The following NRXN3 variants were observed in gnomAD, a reference collection of about 807,000 sequenced individuals.
NRXN3 encodes the protein neurexin 3.
NRXN3 carries 32 observed loss-of-function variants against 137.6 expected under a neutral mutation model. That is an observed-to-expected ratio of 0.23 (90% CI 0.18 to 0.31). NRXN3 has a LOEUF of 0.31. NRXN3 is among the 10% of genes least tolerant of loss of function. NRXN3 has a pLI of 1.00. For synonymous variants in NRXN3, 798 were observed against 784.5 expected, an observed-to-expected ratio of 1.02 and a Z score of -0.29; for missense variants, 1,574 against 2,062.5, an observed-to-expected ratio of 0.76 and a Z score of 4.59.
chr14:78,328,181 G>A lies in NRXN3; in HGVS notation c.757+30321G>A, dbSNP rs147261163. ...TGCTCTAAATCATAGCTCTCTACAG[G>A]GAAGGCTTCTGTGAGTTAAAATCCC... On this transcript the variant is annotated intron_variant, in intron 4 of 20. Transcript: ENST00000335750. Among the ~76,000 whole-genome samples the A allele has an allele frequency of 6.8e-3, 1,040 of 152,220 alleles. 10 individuals carry two copies. The highest frequency in any genetic ancestry group is 0.024 in the African/African-American group (1,001 of 41,526).
At chr14:78,430,304 CT>C (rs539657706) in intron 4 of NRXN3, among the ~76,000 whole-genome samples, 17 of 152,294 alleles carry the variant, frequency 1.1e-4, no homozygotes, top group African/African-American at 4.1e-4. Flanking sequence ...ATCACTGATG[CT>C]TGAGTCTTGT....
intron 16 of NRXN3, among the ~76,000 whole-genome samples, chr14:79,511,542 C>G (rs960623844): frequency 2.0e-5 from 3 of 152,150 alleles, no homozygotes; most frequent in African/African-American, 7.2e-5. Flanking sequence ...AGCTATTCAG[C>G]CTAGATTTTC....
chr14:78,747,135 C>G (rs1037221276), intron 8 of NRXN3, among the ~76,000 whole-genome samples: 1 of 110,522 alleles, frequency 9.0e-6, no homozygotes, highest in African/African-American at 5.3e-5. Flanking sequence ...GAGCCAGGAC[C>G]AGGGTTGAAA....
intron 16 of NRXN3, among the ~76,000 whole-genome samples, chr14:79,480,095 G>A (rs541879686): frequency 1.4e-4 from 21 of 152,152 alleles, no homozygotes; most frequent in Non-Finnish European, 2.8e-4. Flanking sequence ...AAATCCAGAT[G>A]TGGGTGTCTT....
chr14:78,655,439 C>A (rs993716368), intron 6 of NRXN3, among the ~76,000 whole-genome samples: 5 of 152,000 alleles, frequency 3.3e-5, no homozygotes, highest in African/African-American at 7.3e-5. Flanking sequence ...GGAAAAAAAA[C>A]CCCATCATTC....
At chr14:78,491,042 G>A (rs1050134289) in intron 4 of NRXN3, among the ~76,000 whole-genome samples, 22 of 152,042 alleles carry the variant, frequency 1.4e-4, no homozygotes, top group African/African-American at 5.1e-4. Context: ...AGGGTGTTTC[G>A]ACCTATTCAG....
intron 4 of NRXN3, among the ~76,000 whole-genome samples, chr14:78,451,423 G>T (rs923097090): frequency 2.0e-4 from 30 of 152,174 alleles, no homozygotes; most frequent in African/African-American, 7.0e-4. Context: ...TCTGACACTT[G>T]GTATGTGTTC....
chr14:79,854,259 A>G (rs1568461700), intron 20 of NRXN3: 7 of 532,548 alleles, frequency 1.3e-5, no homozygotes, highest in African/African-American at 2.1e-5. Context: ...TTTTTAGTTT[A>G]AATTATTTTG....
At chr14:78,536,611 T>C (rs914647644) in intron 4 of NRXN3, among the ~76,000 whole-genome samples, 10 of 91,214 alleles carry the variant, frequency 1.1e-4, no homozygotes, top group African/African-American at 3.4e-4. Flanking sequence ...TATTTTTCTT[T>C]TTTTTTTTTA....
intron 8 of NRXN3, among the ~76,000 whole-genome samples, chr14:78,770,165 C>T (rs547451285): frequency 6.6e-6 from 1 of 152,280 alleles, no homozygotes; most frequent in East Asian, 1.9e-4. Context: ...ATCAACATCC[C>T]TATTTTTGCA....
chr14:79,793,946 C>G (rs1206171545), intron 19 of NRXN3, among the ~76,000 whole-genome samples: 2 of 152,180 alleles, frequency 1.3e-5, no homozygotes, highest in African/African-American at 2.4e-5. Flanking sequence ...AAGTAACTTA[C>G]TGCTTTTTGT....
chr14:78,811,934 C>A (rs1442348255), intron 10 of NRXN3, among the ~76,000 whole-genome samples: 1 of 152,124 alleles, frequency 6.6e-6, no homozygotes, highest in African/African-American at 2.4e-5. Flanking sequence ...ATATTTAGAT[C>A]ATTAAAAGCC....
chr14:79,834,959 C>T (rs1454427742), intron 20 of NRXN3, among the ~76,000 whole-genome samples: 2 of 152,074 alleles, frequency 1.3e-5, no homozygotes, highest in African/African-American at 4.8e-5. Context: ...GCCACCCCAA[C>T]CCTAATAGCC....
At chr14:78,818,603 G>C (rs2098941607) in intron 10 of NRXN3, among the ~76,000 whole-genome samples, 1 of 152,070 alleles carries the variant, frequency 6.6e-6, no homozygotes, top group South Asian at 2.1e-4. Flanking sequence ...GCCATATTTT[G>C]GTTGAAAGTA....
At chr14:78,864,686 A>C (rs73321627) in intron 10 of NRXN3, among the ~76,000 whole-genome samples, 4,208 of 152,204 alleles carry the variant, frequency 0.028, 214 homozygotes, top group African/African-American at 0.096. Context: ...GTGACATTGG[A>C]GCCTTTGAAG....
intron 10 of NRXN3, among the ~76,000 whole-genome samples, chr14:78,908,272 G>T (rs1269522908): frequency 6.6e-6 from 1 of 152,110 alleles, no homozygotes; most frequent in South Asian, 2.1e-4. Context: ...AGTTGTACGA[G>T]ACTCCTGAAT....
chr14:78,281,771 G>A (rs1437361070), intron 3 of NRXN3, among the ~76,000 whole-genome samples: 1 of 152,140 alleles, frequency 6.6e-6, no homozygotes, highest in African/African-American at 2.4e-5. Context: ...GCTGCTGCAG[G>A]GAGCTTCAGT....
intron 1 of NRXN3, among the ~76,000 whole-genome samples, chr14:78,235,023 T>TATATATATATATATATATATAA (rs61371349): frequency 7.1e-5 from 7 of 98,704 alleles, no homozygotes; most frequent in African/African-American, 3.1e-4. Context: ...TATATATATA[T>TATATATATATATATATATATAA]GTGTATATAT....
intron 15 of NRXN3, among the ~76,000 whole-genome samples, chr14:79,318,542 AACGAAGTAATAACAG>A (rs2089370670): frequency 6.6e-6 from 1 of 152,238 alleles, no homozygotes; most frequent in African/African-American, 2.4e-5. Flanking sequence ...AAGATTCTAG[AACGAAGTAATAACAG>A]TTGCCAACCT....
Sources: gnomAD v4.1 joint callset for allele counts (sites outside exome capture counted in the v4.1 genomes callset) on GRCh38, gnomAD v4.1.1 for gene constraint, MANE v1.5 for transcripts, NCBI Gene and HGNC (gene_info 2026-07-23, HGNC 2026-07-21) for gene names.